The following CA10 variants were observed in gnomAD, a reference collection of about 807,000 sequenced individuals.
The protein encoded by CA10 is carbonic anhydrase 10 (inactive).
In CA10, 14 loss-of-function variants were observed where a neutral mutation model predicts 44.2. The ratio of observed to expected loss-of-function variants is 0.32; its 90% CI spans 0.21 to 0.50. CA10 has a LOEUF of 0.50. CA10 is among the 20% of genes least tolerant of loss of function. The probability of loss-of-function intolerance (pLI) is 0.99; values close to 1 mark genes in which losing one functional copy is unlikely to be tolerated. For missense variants in CA10, 350 were observed against 409.7 expected, an observed-to-expected ratio of 0.85 and a Z score of 1.26; for synonymous variants, 159 against 141.6, an observed-to-expected ratio of 1.12 and a Z score of -0.87.
At chr17:51,909,860 CAT>C (rs1981717413) in intron 3 of CA10, among the ~76,000 whole-genome samples, 1 of 152,162 alleles carries the variant, frequency 6.6e-6, no homozygotes. Context: ...GCCTGCCTGC[CAT>C]CCCATAACCA....
At chr17:51,773,843 G>T (rs1567835003) in intron 3 of CA10, among the ~76,000 whole-genome samples, 1 of 152,094 alleles carries the variant, frequency 6.6e-6, no homozygotes, top group Non-Finnish European at 1.5e-5. Context: ...AAGTCCAATT[G>T]CTACTTGCAA....
intron 3 of CA10, among the ~76,000 whole-genome samples, chr17:51,783,328 C>T (rs1240320212): frequency 1.3e-5 from 2 of 152,158 alleles, no homozygotes; most frequent in African/African-American, 4.8e-5. Context: ...TTCACACACC[C>T]TGGGTACTCT....
chr17:51,824,651 T>C (rs950204639), intron 3 of CA10, among the ~76,000 whole-genome samples: 1 of 152,222 alleles, frequency 6.6e-6, no homozygotes, highest in African/African-American at 2.4e-5. Flanking sequence ...TTTAAAACGA[T>C]AACACCCTGA....
At chr17:52,105,764 G>A (rs776815378) in intron 1 of CA10, among the ~76,000 whole-genome samples, 3 of 152,142 alleles carry the variant, frequency 2.0e-5, no homozygotes, top group Non-Finnish European at 4.4e-5. Context: ...CCTTATTGTG[G>A]ATTAGCATTT....
intron 1 of CA10, among the ~76,000 whole-genome samples, chr17:52,146,460 G>A (rs1260392844): frequency 6.6e-6 from 1 of 152,000 alleles, no homozygotes; most frequent in South Asian, 2.1e-4. Context: ...GGAGGCTGAG[G>A]CGGGCGGATC....
intron 3 of CA10, among the ~76,000 whole-genome samples, chr17:51,752,881 T>C (rs1424219005): frequency 6.6e-6 from 1 of 152,146 alleles, no homozygotes; most frequent in African/African-American, 2.4e-5. Context: ...ATCGCGCCAC[T>C]GCACTGCAGC....
At chr17:51,716,059 C>A (rs1049244044) in intron 4 of CA10, among the ~76,000 whole-genome samples, 3 of 152,078 alleles carry the variant, frequency 2.0e-5, no homozygotes, top group Non-Finnish European at 2.9e-5. Context: ...CCCCTACTAC[C>A]CTTCCCAGAC....
At chr17:51,831,731 A>AGCCGCCGCC (rs1567854678) in intron 3 of CA10, among the ~76,000 whole-genome samples, 1 of 138,918 alleles carries the variant, frequency 7.2e-6, no homozygotes, top group African/African-American at 2.7e-5. Context: ...CAGCAGCAGC[A>AGCCGCCGCC]GAAAAAGACC....
intron 3 of CA10, among the ~76,000 whole-genome samples, chr17:51,867,749 A>G (rs749154295): frequency 1.3e-5 from 2 of 152,336 alleles, no homozygotes; most frequent in East Asian, 3.9e-4. Context: ...GTAATTGATC[A>G]GATTCAGACC....
chr17:51,655,027 T>TA (rs1913737756), intron 4 of CA10, among the ~76,000 whole-genome samples: 1 of 152,112 alleles, frequency 6.6e-6, no homozygotes, highest in Admixed American at 6.6e-5. Flanking sequence ...ACATAGCGTA[T>TA]AAAAAATAAT....
chr17:51,879,381 T>A (rs931439081), intron 3 of CA10, among the ~76,000 whole-genome samples: 1 of 152,228 alleles, frequency 6.6e-6, no homozygotes, highest in Non-Finnish European at 1.5e-5. Flanking sequence ...CTACTCATCT[T>A]TCTTACTGCT....
chr17:52,146,563 G>C (rs1340610366), intron 1 of CA10, among the ~76,000 whole-genome samples: 1 of 151,946 alleles, frequency 6.6e-6, no homozygotes, highest in Non-Finnish European at 1.5e-5. Flanking sequence ...GGTGGCGGGC[G>C]CCTGTAGTCC....
At chr17:52,101,636 C>T (rs1240548870) in intron 1 of CA10, among the ~76,000 whole-genome samples, 1 of 152,074 alleles carries the variant, frequency 6.6e-6, no homozygotes, top group East Asian at 1.9e-4. Flanking sequence ...TATAATATTT[C>T]TTATGTTAAC....
rs548817819 is a variant in CA10 at position 51,770,570 on chromosome 17, C to T, written c.280-22752G>A. ...TGAGTCATCACAGTAATCCTGTGAG[C>T]TGGTACTGATTGTATTAGGCTGTTC... On this transcript the variant is annotated intron_variant, in intron 3 of 8. Transcript: ENST00000451037. 3.3e-5 allele frequency among the ~76,000 whole-genome samples: 5 copies of T among 152,278 alleles called. No homozygotes were observed. In the South Asian group the frequency reaches 1.0e-3, roughly 32 times the overall value.
chr17:51,808,073 AG>A (rs1907201799), intron 3 of CA10, among the ~76,000 whole-genome samples: 1 of 152,252 alleles, frequency 6.6e-6, no homozygotes, highest in Admixed American at 6.5e-5. Context: ...CAGATCTGAG[AG>A]GTAAGACCAG....
intron 2 of CA10, among the ~76,000 whole-genome samples, chr17:52,044,465 G>A (rs1986854024): frequency 6.6e-6 from 1 of 151,908 alleles, no homozygotes; most frequent in Admixed American, 6.6e-5. Flanking sequence ...CACCACACCT[G>A]ACTAATTTTT....
chr17:51,766,679 A>G (rs1905399227), intron 3 of CA10, among the ~76,000 whole-genome samples: 1 of 152,226 alleles, frequency 6.6e-6, no homozygotes. Context: ...AGATAAGAAA[A>G]AATAAGTTAT....
intron 3 of CA10, among the ~76,000 whole-genome samples, chr17:51,893,238 T>C (rs1258376398): frequency 1.3e-5 from 2 of 152,170 alleles, no homozygotes; most frequent in East Asian, 3.8e-4. Flanking sequence ...ACACTGGTTC[T>C]GCGTGGGTGG....
At chr17:51,840,184 G>T (rs1296282236) in intron 3 of CA10, among the ~76,000 whole-genome samples, 2 of 152,172 alleles carry the variant, frequency 1.3e-5, no homozygotes, top group Non-Finnish European at 2.9e-5. Flanking sequence ...GGTGAGGCAG[G>T]TGAAGTATTT....
Sources: allele counts gnomAD v4.1 joint callset (sites outside exome capture counted in the v4.1 genomes callset), GRCh38; gene constraint gnomAD v4.1.1; transcripts MANE v1.5; gene names NCBI Gene and HGNC (gene_info 2026-07-23, HGNC 2026-07-21).